Variants in TRIM67 observed in about 807,000 individuals in gnomAD.
TRIM67 encodes the protein tripartite motif containing 67, also known as tripartite motif-containing protein 67.
Under a neutral mutation model 71.0 loss-of-function variants are expected in TRIM67, and 39 were observed. The observed-to-expected ratio is 0.55, with a 90% confidence interval of 0.43 to 0.72. The LOEUF is 0.72. Ranked by LOEUF, TRIM67 falls within the 30% of genes least tolerant of loss-of-function variation. The pLI is 0.00. For synonymous variants in TRIM67, 481 were observed against 473.9 expected, an observed-to-expected ratio of 1.01 and a Z score of -0.19; for missense variants, 973 against 1,079.2, an observed-to-expected ratio of 0.90 and a Z score of 1.38.
intron 1 of TRIM67, among the ~76,000 whole-genome samples, chr1:231,190,233 T>A (rs1311133610): frequency 6.6e-6 from 1 of 152,148 alleles, no homozygotes; most frequent in African/African-American, 2.4e-5. Flanking sequence ...ATCTAGTCTG[T>A]GTTGACAGAG....
rs746353687 is a variant in TRIM67, at chr1:231,163,993, G to A, written c.1024G>A (p.Ala342Thr). 2 of 1,567,822 alleles carry A rather than the reference G, an allele frequency of 1.3e-6. No homozygotes were observed. Among genetic ancestry groups the A allele is most frequent in the East Asian group, 2.4e-5 (1 of 42,502 alleles). ...CAAGCACGAGGTGAAGCCGCTGGGG[G>A]CCATGTGGAAGCAGCACAAGGTGAG... is the stretch of plus-strand genomic sequence containing the variant. ...HAKHEVKPLG[A>T]MWKQHKAQLS... The change falls in exon 1 of 10, where the codon GCC becomes ACC. Residue 342 changes from alanine to threonine, a missense_variant. Transcript: ENST00000366653.
At position 231,163,498 on chromosome 1, in the gene TRIM67, C is replaced by A; in HGVS notation, c.529C>A (p.Gln177Lys). The change falls in exon 1 of 10, where the codon CAG (glutamine) becomes AAG (lysine). Residue 177 changes from glutamine to lysine, a missense_variant. This residue lies in a region of TRIM67 where 795 missense variants were observed against 831.3 expected (regional missense o/e 0.96). Transcript: ENST00000366653. ...GGACCACCGCGGCCTGCGCGGCTTC[C>A]AGCGCAACCGGCTGCTCGAGGCCAT... is the stretch of plus-strand genomic sequence containing the variant. ...SLDHRGLRGF[Q>K]RNRLLEAIVQ... The A allele has an allele frequency of 1.3e-6, 2 of 1,520,896 alleles. No individual in the cohort carries two copies. Among genetic ancestry groups the A allele is most frequent in the East Asian group, 2.6e-5 (1 of 38,676 alleles). The allele number at this position is 1,520,896 out of a possible 1,614,324, so 94.2% of individuals were successfully genotyped here.
At chr1:231,200,397 C>T (rs552347785) in intron 4 of TRIM67, 139 bp downstream of exon 4, 9 of 603,398 alleles carry the variant, frequency 1.5e-5, no homozygotes, top group Admixed American at 7.9e-5. Context: ...TCCAGAAGAC[C>T]TAGGCTCTCA....
Position 231,219,220 on chromosome 1 carries a change from A to G in TRIM67, c.*3780A>G. On this transcript the variant is annotated 3_prime_UTR_variant, in exon 10 of 10. Coordinates refer to ENST00000366653, the MANE Select transcript of TRIM67 (RefSeq NM_001004342.5). ...ACTGACATTTTGCGATAGGTTCTGT[A>G]TGCCGTAGGATGTTTAGCAACATCC... 1 of 984,662 alleles carries G rather than the reference A, an allele frequency of 1.0e-6. No individual in the cohort carries two copies. The highest frequency in any genetic ancestry group is 1.7e-5 in the African/African-American group (1 of 57,316). 61.0% of individuals were successfully genotyped at this position (984,662 alleles called of 1,614,324 possible).
At position 231,206,786 on chromosome 1, in the gene TRIM67, C is replaced by T. The variant is rs1273816570; in HGVS notation, c.1815C>T (p.Ser605=). 1.3e-6 allele frequency: 2 copies of T among 1,592,862 alleles called. No homozygotes were observed. The highest frequency in any genetic ancestry group is 1.7e-6 in the Non-Finnish European group (2 of 1,170,584). The change falls in exon 7 of 10, where the codon TCC becomes TCT. Residue 605 remains serine (S), a synonymous_variant. Coordinates refer to ENST00000366653, the MANE Select transcript of TRIM67 (RefSeq NM_001004342.5). ...PYSKTVVLQT[S]DVAWFTFDPN... ...GTAAAACTGTCGTCCTGCAGACATC[C>T]GATGGTGAGCATCGGGATCTCTTAG...
At chr1:231,183,812 C>G (rs2102729789) in intron 1 of TRIM67, among the ~76,000 whole-genome samples, 1 of 152,274 alleles carries the variant, frequency 6.6e-6, no homozygotes, top group African/African-American at 2.4e-5. Flanking sequence ...TATTACCCGC[C>G]TTTTGCATTT....
At chr1:231,189,889 C>G (rs886977366) in intron 1 of TRIM67, among the ~76,000 whole-genome samples, 4 of 152,058 alleles carry the variant, frequency 2.6e-5, no homozygotes, top group African/African-American at 9.7e-5. Context: ...GGCCGCAAGC[C>G]AAGGAATGTG....
intron 1 of TRIM67, among the ~76,000 whole-genome samples, chr1:231,168,577 A>T (rs1682540796): frequency 6.6e-6 from 1 of 152,248 alleles, no homozygotes. Context: ...ATTCACGTGG[A>T]TAAAGACCAC....
chr1:231,165,520 G>A (rs931118840), intron 1 of TRIM67, among the ~76,000 whole-genome samples: 2 of 152,116 alleles, frequency 1.3e-5, no homozygotes, highest in African/African-American at 2.4e-5. Flanking sequence ...AAAGCTACAG[G>A]GAAGTAGCAA....
At chr1:231,174,713 GAAGA>G (rs1367555912) in intron 1 of TRIM67, among the ~76,000 whole-genome samples, 1 of 152,088 alleles carries the variant, frequency 6.6e-6, no homozygotes, top group Non-Finnish European at 1.5e-5. Flanking sequence ...TCTTACCCAG[GAAGA>G]AAGAGTTTTT....
chr1:231,180,563 T>C (rs952202637), intron 1 of TRIM67, among the ~76,000 whole-genome samples: 2 of 152,188 alleles, frequency 1.3e-5, no homozygotes, highest in African/African-American at 4.8e-5. Flanking sequence ...CCAAATCTAT[T>C]GCATTGAAGA....
intron 1 of TRIM67, among the ~76,000 whole-genome samples, chr1:231,179,848 G>A (rs931960047): frequency 2.6e-5 from 4 of 152,152 alleles, no homozygotes; most frequent in African/African-American, 4.8e-5. Flanking sequence ...GGAGAAGGAC[G>A]GTTTAAGGTA....
chr1:231,197,559 C>T (rs1683400545), intron 2 of TRIM67, 93 bp downstream of exon 2: 4 of 1,188,312 alleles, frequency 3.4e-6, no homozygotes, highest in Non-Finnish European at 4.9e-6. Flanking sequence ...GGCACGGTGG[C>T]TCACACCTGT....
At chr1:231,189,160 CT>C (rs1399258639) in intron 1 of TRIM67, among the ~76,000 whole-genome samples, 1 of 152,168 alleles carries the variant, frequency 6.6e-6, no homozygotes, top group African/African-American at 2.4e-5. Context: ...TCCAACGTGA[CT>C]TCATTGAGTG....
Position 231,218,621 on chromosome 1 carries a change from T to C in TRIM67, c.*3181T>C, listed in dbSNP as rs1684071826. 2.0e-6 allele frequency: 2 copies of C among 985,304 alleles called. No individual in the cohort carries two copies. Among genetic ancestry groups the C allele is most frequent in the African/African-American group, 3.5e-5 (2 of 57,232 alleles). The allele number at this position is 985,304 out of a possible 1,614,324, so 61.0% of individuals were successfully genotyped here. A position where few individuals can be genotyped will look rare whatever the true frequency, so the allele number is the denominator to read the frequency against. On this transcript the variant is annotated 3_prime_UTR_variant, in exon 10 of 10. Transcript: ENST00000366653. ...TCTGTTCTCCTTGGGAAAATAATGATTCCAATTAAAGAGGACACCAGTAAT... is the reference window on the plus strand; with the variant it reads ...TCTGTTCTCCTTGGGAAAATAATGACTCCAATTAAAGAGGACACCAGTAAT...
At position 231,217,971 on chromosome 1, in the gene TRIM67, C is replaced by T; in HGVS notation, c.*2531C>T. On this transcript the variant is annotated 3_prime_UTR_variant, in exon 10 of 10. Transcript: ENST00000366653. ...CTTGGGGGCTGGGATTCTCCCTTTT[C>T]TGACTCCTCCAGGAGCCCAGAAGCA... 8.0e-7 allele frequency: 1 copy of T among 1,243,754 alleles called. No homozygotes were observed. Among genetic ancestry groups the T allele is most frequent in the Non-Finnish European group, 1.0e-6 (1 of 968,032 alleles). The allele number at this position is 1,243,754 out of a possible 1,614,324, so 77.0% of individuals were successfully genotyped here. A position where few individuals can be genotyped will look rare whatever the true frequency, so the allele number is the denominator to read the frequency against.
rs61750990 is a variant in TRIM67, at chr1:231,163,152, C to A, written c.183C>A (p.Ala61=). 85,900 of 1,527,554 alleles carry A rather than the reference C, an allele frequency of 0.056. 3,659 individuals carry two copies. The highest frequency in any genetic ancestry group is 0.25 in the East Asian group (9,714 of 38,598). The allele number at this position is 1,527,554 out of a possible 1,614,324, so 94.6% of individuals were successfully genotyped here. A position where few individuals can be genotyped will look rare whatever the true frequency, so the allele number is the denominator to read the frequency against. Residue 61 remains alanine (A), a synonymous_variant, in exon 1 of 10, where the codon GCC becomes GCA. Transcript: ENST00000366653. The part of the protein sequence containing the change: ...LSRGSGLQAG[A]AAAASLEHDA... ...GGGGATCGGGGCTGCAGGCGGGCGC[C>A]GCCGCCGCTGCCTCTCTGGAGCACG...
chr1:231,171,788 G>T (rs962708916), intron 1 of TRIM67, among the ~76,000 whole-genome samples: 1 of 152,158 alleles, frequency 6.6e-6, no homozygotes, highest in Non-Finnish European at 1.5e-5. Context: ...ACAGCAAGTT[G>T]TGAAATGATT....
At chr1:231,201,314 T>A in intron 4 of TRIM67, 44 bp from the exon 5 acceptor site, 16 of 1,579,702 alleles carry the variant, frequency 1.0e-5, no homozygotes, top group Non-Finnish European at 1.3e-5. Flanking sequence ...TGCACAATTT[T>A]TCCTTTGCAA....
Sources: gnomAD v4.1 joint callset for allele counts (sites outside exome capture counted in the v4.1 genomes callset) on GRCh38, gnomAD v4.1.1 for gene constraint, gnomAD v4.1.1 regional missense constraint, MANE v1.5 for transcripts, NCBI Gene and HGNC (gene_info 2026-07-23, HGNC 2026-07-21) for gene names.